The following S100A16 variants were observed in gnomAD, a reference collection of about 807,000 sequenced individuals.
S100A16 encodes S100 calcium binding protein A16, also known as protein S100-A16.
In S100A16, 8 loss-of-function variants were observed where a neutral mutation model predicts 9.0. That is an observed-to-expected ratio of 0.89 (90% CI 0.52 to 1.60). The LOEUF (loss-of-function observed/expected upper bound fraction) is 1.60. Among genes scored for constraint, S100A16 ranks in the 40% most tolerant of loss-of-function variants. S100A16 has a pLI of 0.00. For missense variants in S100A16, 138 were observed against 132.4 expected (o/e 1.04, Z -0.21); for synonymous variants, 51 against 51.4 (o/e 0.99, Z 0.04).
chr1:153,608,042 C>T lies in S100A16; in HGVS notation c.110G>A (p.Ser37Asn), dbSNP rs766552322. The T allele has an allele frequency of 3.7e-6, 6 of 1,614,090 alleles. No homozygotes were observed. The Admixed American group carries it at 8.3e-5, about 22-fold the overall frequency. ...CTCTTTCTGGAGCATCTCGCGGAAG[C>T]TGCTCTTGCTGATCTTGTTCTTGAC... ...SLVKNKISKS[S>N]FREMLQKELN... is the part of the protein sequence containing the mutation. Residue 37 changes from serine (S) to asparagine (N), a missense_variant, in exon 2 of 3, where the codon AGC (serine) becomes AAC (asparagine). Transcript: ENST00000368706.
intron 1 of S100A16, among the ~76,000 whole-genome samples, chr1:153,611,917 TCACACACACACACA>T (rs55729519): frequency 2.1e-5 from 3 of 140,792 alleles, no homozygotes; most frequent in Non-Finnish European, 4.6e-5. Flanking sequence ...TGTCTCTCTC[TCACACACACACACA>T]CACACACACA....
rs1031854279 is a variant in S100A16 at position 153,607,552 on chromosome 1, C to T, written c.294G>A (p.Glu98=). The change falls in exon 3 of 3, where the codon GAG becomes GAA. Residue 98 remains glutamate, a synonymous_variant. Coordinates refer to ENST00000368706, the MANE Select transcript of S100A16 (RefSeq NM_080388.3). ...GPIAKLIHEQ[E]QQSSS ...GGGGTCTCTAGCTGCTGCTCTGCTG[C>T]TCCTGCTCATGGATGAGTTTGGCGA... 1 of 1,614,222 alleles carries T rather than the reference C, an allele frequency of 6.2e-7. No individual in the cohort carries two copies. Among genetic ancestry groups the T allele is most frequent in the Non-Finnish European group, 8.5e-7 (1 of 1,180,024 alleles).
intron 1 of S100A16, chr1:153,609,335 A>G (rs979905125): frequency 3.0e-6 from 3 of 985,852 alleles, no homozygotes; most frequent in African/African-American, 1.7e-5. Context: ...ACTTGTGGCC[A>G]TTCCTACTCC....
chr1:153,608,654 C>T (rs1288384421), intron 1 of S100A16, among the ~76,000 whole-genome samples: 1 of 152,228 alleles, frequency 6.6e-6, no homozygotes, highest in Non-Finnish European at 1.5e-5. Flanking sequence ...ACCCCAGCCC[C>T]AGGCAACAAA....
At position 153,607,629 on chromosome 1, in the gene S100A16, G is replaced by T. The variant is rs371864464; in HGVS notation, c.217C>A (p.Arg73Ser). 1 of 1,614,186 alleles carries T rather than the reference G, an allele frequency of 6.2e-7. No homozygotes were observed. The highest frequency in any genetic ancestry group is 1.7e-5 in the Admixed American group (1 of 60,026). The stretch of plus-strand genomic sequence containing the variant: ...GTCCAGTACTCATCGAAGCTGATGC[G>T]CCCATCATGATTGGCATCCAGGTTC... ...IQNLDANHDG[R>S]ISFDEYWTLI... The change falls in exon 3 of 3, where the codon CGC becomes AGC. Residue 73 changes from arginine to serine, a missense_variant. Arg to Ser is a moderately radical substitution (Grantham distance 110). Coordinates refer to ENST00000368706, the MANE Select transcript of S100A16 (RefSeq NM_080388.3).
chr1:153,609,321 G>A, intron 1 of S100A16: 1 of 985,934 alleles, frequency 1.0e-6, no homozygotes, highest in South Asian at 4.7e-5. Context: ...GCTTTCCGTT[G>A]GCCACTTGTG....
chr1:153,609,346 C>T, intron 1 of S100A16: 1 of 986,182 alleles, frequency 1.0e-6, no homozygotes, highest in Non-Finnish European at 1.2e-6. Flanking sequence ...TTCCTACTCC[C>T]ATGCCGGCTG....
rs201696207 is a variant in S100A16 at position 153,610,171 on chromosome 1, AG to A, written c.-26-1995del. Among the ~76,000 whole-genome samples the A allele has an allele frequency of 5.5e-3, 835 of 152,324 alleles. 10 individuals are homozygous for A. The highest frequency in any genetic ancestry group is 0.019 in the African/African-American group (787 of 41,580). Reference sequence around the variant, plus strand: ...GCTGCCCTTGGGTTGGAGGTGGCTCAGGTTCATGACCAGTGTTCCAGGTGAT... The same window carrying A: ...GCTGCCCTTGGGTTGGAGGTGGCTCAGTTCATGACCAGTGTTCCAGGTGAT... On this transcript the variant is annotated intron_variant, in intron 1 of 2. Coordinates refer to ENST00000368706, the MANE Select transcript of S100A16 (RefSeq NM_080388.3).
At chr1:153,612,615 G>A (rs1404804769) in intron 1 of S100A16, among the ~76,000 whole-genome samples, 2 of 152,018 alleles carry the variant, frequency 1.3e-5, no homozygotes, top group Non-Finnish European at 2.9e-5. Flanking sequence ...AGACCAACAC[G>A]CATTTGTCCT....
chr1:153,610,341 G>A (rs185350359), intron 1 of S100A16, among the ~76,000 whole-genome samples: 3 of 152,300 alleles, frequency 2.0e-5, no homozygotes, highest in East Asian at 1.9e-4. Context: ...TGTGGGAAAC[G>A]GTCAGGGAGA....
Position 153,609,275 on chromosome 1 carries a change from G to C in S100A16, c.-26-1098C>G, listed in dbSNP as rs560233688. 4 of 985,600 alleles carry C rather than the reference G, an allele frequency of 4.1e-6. No individual in the cohort carries two copies. The African/African-American group carries it at 7.0e-5, about 17-fold the overall frequency. The allele number at this position is 985,600 out of a possible 1,614,324, so 61.1% of individuals were successfully genotyped here. Reference sequence around the variant, plus strand: ...TCAGATTTGGAAGGAAAGGCTGCTCGGTCAGGCCCCACCACAGCCTCCTGT... The same window carrying C: ...TCAGATTTGGAAGGAAAGGCTGCTCCGTCAGGCCCCACCACAGCCTCCTGT... On this transcript the variant is annotated intron_variant, in intron 1 of 2. Coordinates refer to ENST00000368706, the MANE Select transcript of S100A16 (RefSeq NM_080388.3).
rs761774279 is a variant in S100A16, at chr1:153,608,172, C to G, written c.-21G>C. 2 of 1,611,436 alleles carry G rather than the reference C, an allele frequency of 1.2e-6. No homozygotes were observed. Among genetic ancestry groups the G allele is most frequent in the African/African-American group, 2.7e-5 (2 of 74,884 alleles). On this transcript the variant is annotated 5_prime_UTR_variant, in exon 2 of 3. Coordinates refer to ENST00000368706, the MANE Select transcript of S100A16 (RefSeq NM_080388.3). The stretch of plus-strand genomic sequence containing the variant: ...GACATCTCCCTGCTTCGCCTGCTGG[C>G]GGGGCCTGGACACCAGGAGGAGGGG...
In S100A16 at chr1:153,607,279, C is replaced by T. The variant is rs1236320322; in HGVS notation, c.*255G>A. 11 of 570,722 alleles carry T rather than the reference C, an allele frequency of 1.9e-5. No homozygotes were observed. The East Asian group carries it at 3.2e-4, about 17-fold the overall frequency. The allele number at this position is 570,722 out of a possible 1,614,324, so 35.4% of individuals were successfully genotyped here. Reference sequence around the variant, plus strand: ...GAACAGGTGAGAAAACTCTTAGGGTCCCCAGACAGCATTGAGATCTCACAG... The same window carrying T: ...GAACAGGTGAGAAAACTCTTAGGGTTCCCAGACAGCATTGAGATCTCACAG... On this transcript the variant is annotated 3_prime_UTR_variant, in exon 3 of 3. Coordinates refer to ENST00000368706, the MANE Select transcript of S100A16 (RefSeq NM_080388.3).
Position 153,608,152 on chromosome 1 carries a change from C to T in S100A16, c.-1G>A, listed in dbSNP as rs2101509325. The stretch of plus-strand genomic sequence containing the variant: ...CCAGCTCCGTGTAGCAGTCTGACAT[C>T]TCCCTGCTTCGCCTGCTGGCGGGGC... On this transcript the variant is annotated 5_prime_UTR_variant, in exon 2 of 3. Transcript: ENST00000368706. The T allele has an allele frequency of 6.2e-7, 1 of 1,613,464 alleles. No homozygotes were observed. The highest frequency in any genetic ancestry group is 8.5e-7 in the Non-Finnish European group (1 of 1,179,890).
chr1:153,608,728 T>A (rs892574264), intron 1 of S100A16, among the ~76,000 whole-genome samples: 3 of 152,118 alleles, frequency 2.0e-5, no homozygotes, highest in African/African-American at 7.2e-5. Context: ...GAGTCCCGGG[T>A]CTCAGAACCT....
Position 153,613,118 on chromosome 1 carries a change from T to C in S100A16, c.-193A>G, listed in dbSNP as rs1193765241. ...CCGCTGAGCTGGCTCGGTGGGGAGA[T>C]AGTGGCTGAGCTCCTTCTTGACTTG... On this transcript the variant is annotated 5_prime_UTR_variant, in exon 1 of 3. Transcript: ENST00000368706. 6.6e-6 allele frequency: 1 copy of C among 152,348 alleles called. No individual in the cohort carries two copies. Among genetic ancestry groups the C allele is most frequent in the Non-Finnish European group, 1.5e-5 (1 of 68,248 alleles). 9.4% of individuals were successfully genotyped at this position (152,348 alleles called of 1,614,324 possible). A position where few individuals can be genotyped will look rare whatever the true frequency, so the allele number is the denominator to read the frequency against.
At chr1:153,609,808 C>G (rs1666794951) in intron 1 of S100A16, among the ~76,000 whole-genome samples, 1 of 152,160 alleles carries the variant, frequency 6.6e-6, no homozygotes, top group African/African-American at 2.4e-5. Context: ...CTTTTTCTTT[C>G]ATGAAGCCTC....
At chr1:153,611,032 C>T (rs774298849) in intron 1 of S100A16, among the ~76,000 whole-genome samples, 11 of 152,048 alleles carry the variant, frequency 7.2e-5, no homozygotes, top group Non-Finnish European at 1.5e-4. Flanking sequence ...GGGAGGACCA[C>T]GTGTCCTCCA....
At chr1:153,610,425 C>T (rs922085660) in intron 1 of S100A16, among the ~76,000 whole-genome samples, 1 of 152,224 alleles carries the variant, frequency 6.6e-6, no homozygotes, top group Non-Finnish European at 1.5e-5. Flanking sequence ...TCTCCCACCA[C>T]CTGCCTCCTT....
Sources: allele counts gnomAD v4.1 joint callset (sites outside exome capture counted in the v4.1 genomes callset), GRCh38; gene constraint gnomAD v4.1.1; transcripts MANE v1.5; gene names NCBI Gene and HGNC (gene_info 2026-07-23, HGNC 2026-07-21).